ARID5A: variants seen among roughly 807,000 people sequenced by gnomAD.
The protein encoded by ARID5A is AT-rich interaction domain 5A, also known as AT-rich interactive domain-containing protein 5A.
A neutral mutation model predicts 30.5 loss-of-function variants in ARID5A; 14 were observed. The ratio of observed to expected loss-of-function variants is 0.46; its 90% CI spans 0.30 to 0.72. The LOEUF is 0.72. Ranked by LOEUF, ARID5A falls within the 30% of genes least tolerant of loss-of-function variation. The probability of loss-of-function intolerance (pLI) is 0.07; values close to 1 mark genes in which losing one functional copy is unlikely to be tolerated. For synonymous variants in ARID5A, 338 were observed against 340.4 expected, an observed-to-expected ratio of 0.99 and a Z score of 0.08; for missense variants, 669 against 786.2, an observed-to-expected ratio of 0.85 and a Z score of 1.78.
At chr2:96,547,106 A>C (rs1410503432) in intron 1 of ARID5A, among the ~76,000 whole-genome samples, 1 of 151,192 alleles carries the variant, frequency 6.6e-6, no homozygotes, top group Non-Finnish European at 1.5e-5. Flanking sequence ...GTGTGTGTGC[A>C]TGTAGCCTAT....
chr2:96,551,337 TGGA>T lies in ARID5A; in HGVS notation c.812_814del (p.Glu271del). On this transcript the variant is annotated inframe_deletion, in exon 7 of 7. Coordinates refer to ENST00000357485, the MANE Select transcript of ARID5A (RefSeq NM_212481.3). Reference sequence around the variant, plus strand: ...AAGCTCCTGGCCCAGGTGAGCAAGGTGGAGGCCTTGCAGTGCCAGGAGGAGGGC... The same window carrying T: ...AAGCTCCTGGCCCAGGTGAGCAAGGTGGCCTTGCAGTGCCAGGAGGAGGGC... The T allele has an allele frequency of 6.2e-7, 1 of 1,613,418 alleles. No homozygotes were observed. Among genetic ancestry groups the T allele is most frequent in the Non-Finnish European group, 8.5e-7 (1 of 1,179,948 alleles).
chr2:96,550,515 G>A lies in ARID5A; in HGVS notation c.411-59G>A. ...GGAAGGGGGCTCAGAGGAGGCTACA[G>A]AGGCCCAGGGAGGGGATGGGCGCCG... On this transcript the variant is annotated intron_variant, in intron 5 of 6. Transcript: ENST00000357485. This position sits in a 1 kb window ranked among gnomAD's most constrained non-coding sequence, Gnocchi z 6.6. The A allele has an allele frequency of 6.5e-7, 1 of 1,528,994 alleles. No homozygotes were observed. The highest frequency in any genetic ancestry group is 2.0e-5 in the Admixed American group (1 of 49,146). The allele number at this position is 1,528,994 out of a possible 1,614,324, so 94.7% of individuals were successfully genotyped here.
chr2:96,540,972 T>C (rs1274136008), intron 1 of ARID5A, among the ~76,000 whole-genome samples: 1 of 152,150 alleles, frequency 6.6e-6, no homozygotes, highest in Non-Finnish European at 1.5e-5. Flanking sequence ...CTCGAGCTCC[T>C]TACCTCAAGT....
Position 96,549,164 on chromosome 2 carries a change from G to T in ARID5A, c.121-157G>T, listed in dbSNP as rs2065981095. Among the ~76,000 whole-genome samples, 1 of 152,166 alleles carries T rather than the reference G, an allele frequency of 6.6e-6. No homozygotes were observed. The highest frequency in any genetic ancestry group is 1.5e-5 in the Non-Finnish European group (1 of 68,006). Reference sequence around the variant, plus strand: ...TGACACCTGTGTCTGCCGAACCCAGGAACAGTCACTCCCTCCCAGAACAGT... The same window carrying T: ...TGACACCTGTGTCTGCCGAACCCAGTAACAGTCACTCCCTCCCAGAACAGT... On this transcript the variant is annotated intron_variant, in intron 2 of 6. Coordinates refer to ENST00000357485, the MANE Select transcript of ARID5A (RefSeq NM_212481.3). The surrounding 1 kb of genome is among the most constrained non-coding windows in gnomAD (Gnocchi z 6.1).
chr2:96,549,183 G>C lies in ARID5A; in HGVS notation c.121-138G>C. On this transcript the variant is annotated intron_variant, in intron 2 of 6. Transcript: ENST00000357485. This position sits in a 1 kb window ranked among gnomAD's most constrained non-coding sequence, Gnocchi z 6.1. ...ACCCAGGAACAGTCACTCCCTCCCA[G>C]AACAGTGGCTAGGTGTTCTCTGGGA... is the stretch of plus-strand genomic sequence containing the variant. The C allele has an allele frequency of 6.8e-7, 1 of 1,480,978 alleles. No individual in the cohort carries two copies. Among genetic ancestry groups the C allele is most frequent in the Admixed American group, 2.2e-5 (1 of 46,236 alleles). 91.7% of individuals were successfully genotyped at this position (1,480,978 alleles called of 1,614,324 possible). A position where few individuals can be genotyped will look rare whatever the true frequency, so the allele number is the denominator to read the frequency against.
chr2:96,551,846 G>T lies in ARID5A; in HGVS notation c.1318G>T (p.Gly440Cys). The T allele has an allele frequency of 6.3e-7, 1 of 1,598,106 alleles. No homozygotes were observed. Among genetic ancestry groups the T allele is most frequent in the Non-Finnish European group, 8.5e-7 (1 of 1,173,232 alleles). Residue 440 changes from glycine (G) to cysteine (C), a missense_variant, in exon 7 of 7, where the codon GGC (glycine) becomes TGC (cysteine). Gly to Cys is a radical substitution (Grantham distance 159, BLOSUM62 -3). Around this residue, in one of 4 missense-constraint regions of ARID5A, gnomAD observed 548 missense variants for 577.4 expected, o/e 0.95. Transcript: ENST00000357485. ...CCCGCCCACCTTCCCCAGTAGCCCA[G>T]GCCTGGGCAGCAAGCGCAGCCTGGA... ...TLPPTFPSSPGLGSKRSLEEE... is the reference protein window; with the variant it reads ...TLPPTFPSSPCLGSKRSLEEE...
intron 2 of ARID5A, 103 bp downstream of exon 2, chr2:96,547,620 G>A: frequency 9.2e-7 from 1 of 1,085,074 alleles, no homozygotes; most frequent in East Asian, 2.6e-5. Context: ...CTCTCAGGAG[G>A]GAGATATGTT....
chr2:96,538,842 ACTTC>A (rs2065793143), intron 1 of ARID5A, among the ~76,000 whole-genome samples: 1 of 152,158 alleles, frequency 6.6e-6, no homozygotes, highest in Non-Finnish European at 1.5e-5. Flanking sequence ...AGGAAGTGTC[ACTTC>A]CTTCCCATCA....
In ARID5A at chr2:96,549,141, A is replaced by C. The variant is rs192690054; in HGVS notation, c.121-180A>C. On this transcript the variant is annotated intron_variant, in intron 2 of 6. Transcript: ENST00000357485. The surrounding 1 kb of genome is among the most constrained non-coding windows in gnomAD (Gnocchi z 6.1). ...TCCTGTCCTGGGGCGCTGAGAGCTG[A>C]CACCTGTGTCTGCCGAACCCAGGAA... Among the ~76,000 whole-genome samples the C allele has an allele frequency of 1.3e-5, 2 of 152,290 alleles. No individual in the cohort carries two copies. The highest frequency in any genetic ancestry group is 2.9e-5 in the Non-Finnish European group (2 of 68,016).
rs768567479 is a variant in ARID5A at position 96,550,716 on chromosome 2, G to A, written c.553G>A (p.Glu185Lys). 5.1e-6 allele frequency: 8 copies of A among 1,582,420 alleles called. No individual in the cohort carries two copies. Among genetic ancestry groups the A allele is most frequent in the Non-Finnish European group, 6.9e-6 (8 of 1,165,250 alleles). ...ATERPKKAKE[E>K]RRMDQMMPGK... Reference sequence around the variant, plus strand: ...CGAGAGGCCGAAGAAGGCCAAGGAGGAGCGGCGCATGGACCAGGTAGGCCT... The same window carrying A: ...CGAGAGGCCGAAGAAGGCCAAGGAGAAGCGGCGCATGGACCAGGTAGGCCT... The change falls in exon 6 of 7, where the codon GAG becomes AAG. Residue 185 changes from glutamate (E) to lysine (K), a missense_variant. Glu to Lys is a moderately conservative substitution (Grantham distance 56). This residue lies in a region of ARID5A where 548 missense variants were observed against 577.4 expected (regional missense o/e 0.95). Coordinates refer to ENST00000357485, the MANE Select transcript of ARID5A (RefSeq NM_212481.3). This position sits in a 1 kb window ranked among gnomAD's most constrained non-coding sequence, Gnocchi z 6.6.
chr2:96,538,171 AC>A (rs2065777363), intron 1 of ARID5A: 1 of 985,224 alleles, frequency 1.0e-6, no homozygotes, highest in Non-Finnish European at 1.2e-6. Context: ...GTCAACTGGC[AC>A]CTCTGAGCCT....
At chr2:96,540,493 A>G (rs189348596) in intron 1 of ARID5A, among the ~76,000 whole-genome samples, 1 of 152,270 alleles carries the variant, frequency 6.6e-6, no homozygotes, top group Admixed American at 6.5e-5. Flanking sequence ...TTGTGGAGTG[A>G]ACTACTGTTA....
In ARID5A at chr2:96,549,594, G is replaced by C; in HGVS notation, c.259+135G>C. ...GAGGCCTCCCTCCAGGCTGCCACTG[G>C]GCCAGGGGTGCACAGGGCACAGCCT... On this transcript the variant is annotated intron_variant, in intron 3 of 6. Transcript: ENST00000357485. This position sits in a 1 kb window ranked among gnomAD's most constrained non-coding sequence, Gnocchi z 6.1. 1 of 1,487,358 alleles carries C rather than the reference G, an allele frequency of 6.7e-7. No homozygotes were observed. Among genetic ancestry groups the C allele is most frequent in the Non-Finnish European group, 9.3e-7 (1 of 1,077,946 alleles). 92.1% of individuals were successfully genotyped at this position (1,487,358 alleles called of 1,614,324 possible).
At chr2:96,541,493 C>T (rs2065844915) in intron 1 of ARID5A, among the ~76,000 whole-genome samples, 1 of 152,114 alleles carries the variant, frequency 6.6e-6, no homozygotes, top group Non-Finnish European at 1.5e-5. Context: ...ATAGAAAGTC[C>T]AGAAATAGTC....
chr2:96,552,589 A>C lies in ARID5A; in HGVS notation c.*276A>C. On this transcript the variant is annotated 3_prime_UTR_variant, in exon 7 of 7. Transcript: ENST00000357485. The stretch of plus-strand genomic sequence containing the variant: ...CCCCAGAGCGGAGCTCGAAGCACCC[A>C]GGTTGCCCACGGAAAATCCAATAAA... The C allele has an allele frequency of 6.7e-7, 1 of 1,482,304 alleles. No homozygotes were observed. The highest frequency in any genetic ancestry group is 8.9e-7 in the Non-Finnish European group (1 of 1,119,176). The allele number at this position is 1,482,304 out of a possible 1,614,324, so 91.8% of individuals were successfully genotyped here.
Position 96,549,253 on chromosome 2 carries a change from T to C in ARID5A, c.121-68T>C. On this transcript the variant is annotated intron_variant, in intron 2 of 6. Coordinates refer to ENST00000357485, the MANE Select transcript of ARID5A (RefSeq NM_212481.3). This position sits in a 1 kb window ranked among gnomAD's most constrained non-coding sequence, Gnocchi z 6.1. Reference sequence around the variant, plus strand: ...ACCTTATTCCTCCTGCAGCCAGTGGTTTCTGCACATCCCCAGCAGCCAGCC... The same window carrying C: ...ACCTTATTCCTCCTGCAGCCAGTGGCTTCTGCACATCCCCAGCAGCCAGCC... The C allele has an allele frequency of 6.3e-7, 1 of 1,576,584 alleles. No individual in the cohort carries two copies. The highest frequency in any genetic ancestry group is 1.2e-5 in the South Asian group (1 of 86,396).
At position 96,549,861 on chromosome 2, in the gene ARID5A, C is replaced by T. The variant is rs1442490204; in HGVS notation, c.312+56C>T. On this transcript the variant is annotated intron_variant, in intron 4 of 6. Coordinates refer to ENST00000357485, the MANE Select transcript of ARID5A (RefSeq NM_212481.3). The surrounding 1 kb of genome is among the most constrained non-coding windows in gnomAD (Gnocchi z 6.1). ...ACTGCATATCCCTGGGGTGAGCCTG[C>T]AGCGCTGTCCTTGCCTCTGGACAGA... The T allele has an allele frequency of 1.9e-6, 3 of 1,584,564 alleles. No individual in the cohort carries two copies. Among genetic ancestry groups the T allele is most frequent in the Non-Finnish European group, 2.6e-6 (3 of 1,164,134 alleles).
In ARID5A at chr2:96,551,747, G is replaced by A. The variant is rs1363076360; in HGVS notation, c.1219G>A (p.Gly407Ser). ...SAFHKGGSRK[G>S]ILYPKPKACW... Reference sequence around the variant, plus strand: ...GTTCCATAAAGGTGGCTCCAGAAAGGGCATCCTCTACCCCAAGCCCAAAGC... The same window carrying A: ...GTTCCATAAAGGTGGCTCCAGAAAGAGCATCCTCTACCCCAAGCCCAAAGC... Residue 407 changes from glycine to serine, a missense_variant, in exon 7 of 7, where the codon GGC becomes AGC. By Grantham distance (56) the Gly-to-Ser change is moderately conservative. Transcript: ENST00000357485. 2.0e-6 allele frequency: 3 copies of A among 1,520,814 alleles called. No homozygotes were observed. The highest frequency in any genetic ancestry group is 2.6e-6 in the Non-Finnish European group (3 of 1,136,456). 94.2% of individuals were successfully genotyped at this position (1,520,814 alleles called of 1,614,324 possible).
Position 96,550,864 on chromosome 2 carries a change from T to C in ARID5A, c.570+131T>C. On this transcript the variant is annotated intron_variant, in intron 6 of 6. Transcript: ENST00000357485. The surrounding 1 kb of genome is among the most constrained non-coding windows in gnomAD (Gnocchi z 6.6). The stretch of plus-strand genomic sequence containing the variant: ...TGCACCCAGGGCGGGACTTGCAAGG[T>C]TCCAGGTTCTCCACAGATGGTTGTG... 1 of 1,334,620 alleles carries C rather than the reference T, an allele frequency of 7.5e-7. No individual in the cohort carries two copies. Among genetic ancestry groups the C allele is most frequent in the African/African-American group, 1.5e-5 (1 of 67,552 alleles). 82.7% of individuals were successfully genotyped at this position (1,334,620 alleles called of 1,614,324 possible). A position where few individuals can be genotyped will look rare whatever the true frequency, so the allele number is the denominator to read the frequency against.
Sources: allele counts gnomAD v4.1 joint callset (sites outside exome capture counted in the v4.1 genomes callset), GRCh38; gene constraint gnomAD v4.1.1; regional missense constraint gnomAD v4.1.1; non-coding constraint Gnocchi (gnomAD v3.1); transcripts MANE v1.5; gene names NCBI Gene and HGNC (gene_info 2026-07-23, HGNC 2026-07-21).